The following CECR2 variants were observed in gnomAD, a reference collection of about 807,000 sequenced individuals.
CECR2 encodes the protein CECR2 histone acetyl-lysine reader.
A neutral mutation model predicts 154.5 loss-of-function variants in CECR2; 30 were observed. The ratio of observed to expected loss-of-function variants is 0.19; its 90% CI spans 0.15 to 0.26. CECR2 has a LOEUF of 0.26. Ranked by LOEUF, CECR2 falls within the 10% of genes least tolerant of loss-of-function variation. The pLI is 1.00. For missense variants in CECR2, 1,743 were observed against 1,829.3 expected (o/e 0.95, Z 0.86); for synonymous variants, 725 against 683.7 (o/e 1.06, Z -0.94).
At position 17,486,999 on chromosome 22, in the gene CECR2, G is replaced by A. The variant is rs562132966; in HGVS notation, c.221+9317G>A. ...CTGCACGCTGCTGGTCCAGGACTTC[G>A]CTGGAAGGTCACTAATCTAAGGCAT... is the stretch of plus-strand genomic sequence containing the variant. On this transcript the variant is annotated intron_variant, in intron 2 of 18. Coordinates refer to ENST00000262608, the MANE Select transcript of CECR2 (RefSeq NM_001290047.2). 3.5e-4 allele frequency among the ~76,000 whole-genome samples: 54 copies of A among 152,268 alleles called. No homozygotes were observed. The South Asian group carries it at 0.011, about 30-fold the overall frequency.
At chr22:17,513,153 C>T (rs56761050) in intron 8 of CECR2, among the ~76,000 whole-genome samples, 12,438 of 152,146 alleles carry the variant, frequency 0.082, 575 homozygotes, top group South Asian at 0.15. Context: ...GAGTTTGAGA[C>T]CAGCCTGGGC....
At position 17,540,471 on chromosome 22, in the gene CECR2, T is replaced by C. The variant is rs1186141958; in HGVS notation, c.1555T>C (p.Phe519Leu). ...RCFHRAMMKH[F>L]PGEDGDTDEE... Reference sequence around the variant, plus strand: ...TTTCCATCGGGCAATGATGAAACATTTTCCTGGAGAAGATGGAGACACAGA... The same window carrying C: ...TTTCCATCGGGCAATGATGAAACATCTTCCTGGAGAAGATGGAGACACAGA... Residue 519 changes from phenylalanine to leucine, a missense_variant, in exon 14 of 19, where the codon TTT (phenylalanine) becomes CTT (leucine). Physicochemically the swap from Phe to Leu is conservative, Grantham distance 22. Transcript: ENST00000262608. 6.3e-7 allele frequency: 1 copy of C among 1,599,914 alleles called. No individual in the cohort carries two copies. Among genetic ancestry groups the C allele is most frequent in the East Asian group, 2.2e-5 (1 of 44,700 alleles).
chr22:17,526,361 C>T (rs906856636), intron 9 of CECR2, among the ~76,000 whole-genome samples: 2 of 152,114 alleles, frequency 1.3e-5, no homozygotes, highest in African/African-American at 2.4e-5. Context: ...ACACGTACAG[C>T]GAACTCATTT....
At chr22:17,490,073 AGT>A (rs1258455724) in intron 2 of CECR2, among the ~76,000 whole-genome samples, 1 of 151,776 alleles carries the variant, frequency 6.6e-6, no homozygotes, top group Non-Finnish European at 1.5e-5. Flanking sequence ...GTGACCCAAA[AGT>A]GTATTATTTA....
chr22:17,408,868 G>C (rs547931163), intron 1 of CECR2, among the ~76,000 whole-genome samples: 1 of 152,196 alleles, frequency 6.6e-6, no homozygotes, highest in African/African-American at 2.4e-5. Context: ...AATAGTCTAA[G>C]TCCCTTACCA....
At chr22:17,415,554 A>C (rs2054145262) in intron 1 of CECR2, among the ~76,000 whole-genome samples, 1 of 152,078 alleles carries the variant, frequency 6.6e-6, no homozygotes, top group African/African-American at 2.4e-5. Flanking sequence ...CTGTTTTTTA[A>C]TGGTTCATTT....
intron 9 of CECR2, among the ~76,000 whole-genome samples, chr22:17,533,264 G>C (rs879730350): frequency 3.3e-5 from 5 of 150,028 alleles, no homozygotes; most frequent in Non-Finnish European, 5.9e-5. Context: ...AGGTTGCAGT[G>C]TGTTAACATA....
chr22:17,421,419 T>C (rs2054246457), intron 1 of CECR2, among the ~76,000 whole-genome samples: 1 of 151,506 alleles, frequency 6.6e-6, no homozygotes, highest in Non-Finnish European at 1.5e-5. Flanking sequence ...ATCGAGACCA[T>C]CCCGGCTAAA....
chr22:17,533,635 A>G (rs942550897), intron 9 of CECR2, among the ~76,000 whole-genome samples: 6 of 152,076 alleles, frequency 3.9e-5, no homozygotes, highest in Non-Finnish European at 1.5e-5. Flanking sequence ...GTCTCCTAAA[A>G]AAAAAGAATC....
chr22:17,545,290 A>C (rs1393830155), intron 16 of CECR2, among the ~76,000 whole-genome samples: 1 of 142,982 alleles, frequency 7.0e-6, no homozygotes, highest in Non-Finnish European at 1.5e-5. Context: ...CATGAGAATC[A>C]CTTGAACCCG....
At chr22:17,531,651 A>G (rs2056357083) in intron 9 of CECR2, among the ~76,000 whole-genome samples, 1 of 152,252 alleles carries the variant, frequency 6.6e-6, no homozygotes, top group South Asian at 2.1e-4. Context: ...GAGAATGTTC[A>G]GAAACAATGA....
intron 1 of CECR2, among the ~76,000 whole-genome samples, chr22:17,434,626 C>T (rs371059545): frequency 2.2e-4 from 33 of 151,420 alleles, no homozygotes; most frequent in East Asian, 1.6e-3. Flanking sequence ...TAGAACCCCC[C>T]ACTCTTTTTA....
intron 9 of CECR2, among the ~76,000 whole-genome samples, chr22:17,532,878 T>A (rs1019287821): frequency 6.6e-6 from 1 of 151,168 alleles, no homozygotes; most frequent in African/African-American, 2.4e-5. Flanking sequence ...CCACCACGCC[T>A]GGCAATTTTT....
chr22:17,391,400 A>G (rs2063324309), intron 1 of CECR2, among the ~76,000 whole-genome samples: 1 of 152,226 alleles, frequency 6.6e-6, no homozygotes, highest in Non-Finnish European at 1.5e-5. Context: ...CAGGGCTACT[A>G]GTGAAGTAAT....
chr22:17,422,312 C>A (rs529778486), intron 1 of CECR2, among the ~76,000 whole-genome samples: 1 of 152,190 alleles, frequency 6.6e-6, no homozygotes, highest in Non-Finnish European at 1.5e-5. Flanking sequence ...GTTCTTCTGC[C>A]TCAGTCCCCC....
intron 1 of CECR2, among the ~76,000 whole-genome samples, chr22:17,391,716 T>C (rs2063328074): frequency 6.6e-6 from 1 of 152,176 alleles, no homozygotes; most frequent in South Asian, 2.1e-4. Flanking sequence ...TGATCACATA[T>C]TATTTTGAAA....
chr22:17,488,316 C>A (rs1016774895), intron 2 of CECR2, among the ~76,000 whole-genome samples: 1 of 152,184 alleles, frequency 6.6e-6, no homozygotes, highest in Non-Finnish European at 1.5e-5. Context: ...GACAATACTT[C>A]TGTTAAGTAC....
chr22:17,542,613 A>G lies in CECR2; in HGVS notation c.2470A>G (p.Thr824Ala), dbSNP rs763476560. 4.4e-5 allele frequency: 71 copies of G among 1,613,808 alleles called. No homozygotes were observed. Among genetic ancestry groups the G allele is most frequent in the Non-Finnish European group, 5.8e-5 (69 of 1,179,890 alleles). Residue 824 changes from threonine to alanine, a missense_variant, in exon 16 of 19, where the codon ACT becomes GCT. This residue lies in a region of CECR2 where 1,250 missense variants were observed against 1,192.1 expected (regional missense o/e 1.05). Coordinates refer to ENST00000262608, the MANE Select transcript of CECR2 (RefSeq NM_001290047.2). ...ACCACCTGTCCCCCCCAACCAGTGG[A>G]CTGAACAATCAGGCTTCCTACCTCA... ...MRPPVPPNQW[T>A]EQSGFLPHGV...
chr22:17,554,899 T>C lies in CECR2; in HGVS notation c.*2059T>C, dbSNP rs2056756754. On this transcript the variant is annotated 3_prime_UTR_variant, in exon 19 of 19. Coordinates refer to ENST00000262608, the MANE Select transcript of CECR2 (RefSeq NM_001290047.2). ...TGTTTGTGCAGAAGCAGGGAGGAGG[T>C]AAAAAGCTAGTTTGGAGCTGGTTAG... The C allele has an allele frequency of 6.6e-6, 1 of 152,208 alleles. No individual in the cohort carries two copies. Among genetic ancestry groups the C allele is most frequent in the Non-Finnish European group, 1.5e-5 (1 of 68,074 alleles). 9.4% of individuals were successfully genotyped at this position (152,208 alleles called of 1,614,324 possible).
Sources: gnomAD v4.1 joint callset for allele counts (sites outside exome capture counted in the v4.1 genomes callset) on GRCh38, gnomAD v4.1.1 for gene constraint, gnomAD v4.1.1 regional missense constraint, MANE v1.5 for transcripts, NCBI Gene and HGNC (gene_info 2026-07-23, HGNC 2026-07-21) for gene names.